The following ENDOV variants were observed in gnomAD, a reference collection of about 807,000 sequenced individuals.
ENDOV encodes the protein endonuclease V.
A neutral mutation model predicts 39.4 loss-of-function variants in ENDOV; 37 were observed. The ratio of observed to expected loss-of-function variants is 0.94; its 90% confidence interval spans 0.72 to 1.23. The LOEUF is 1.23. ENDOV is among the 50% of genes most tolerant of loss of function. The probability of loss-of-function intolerance (pLI) is 0.00; values close to 1 mark genes in which losing one functional copy is unlikely to be tolerated. For synonymous variants in ENDOV, 186 were observed against 163.4 expected, an observed-to-expected ratio of 1.14 and a Z score of -1.05; for missense variants, 441 against 375.7, an observed-to-expected ratio of 1.17 and a Z score of -1.44.
chr17:80,424,422 C>T (rs949022136), intron 5 of ENDOV: 6 of 399,394 alleles, frequency 1.5e-5, no homozygotes, highest in East Asian at 3.6e-5. Context: ...TGGGCAGTGG[C>T]GGCACCTGTG....
At chr17:80,431,226 C>T (rs1197122323) in intron 9 of ENDOV, among the ~76,000 whole-genome samples, 3 of 152,134 alleles carry the variant, frequency 2.0e-5, no homozygotes, top group East Asian at 1.9e-4. Flanking sequence ...AGGAGCAGGG[C>T]GAGCCTGGGC....
chr17:80,415,603 A>C (rs1307754188), intron 1 of ENDOV, 47 bp from the exon 2 acceptor site: 8 of 1,591,694 alleles, frequency 5.0e-6, no homozygotes, highest in Non-Finnish European at 6.8e-6. Context: ...GAGGAGGCAG[A>C]GTCTGAGGTG....
chr17:80,421,973 C>T lies in ENDOV; in HGVS notation c.363+11C>T. The T allele has an allele frequency of 6.2e-7, 1 of 1,606,592 alleles. No homozygotes were observed. The highest frequency in any genetic ancestry group is 1.1e-5 in the South Asian group (1 of 90,662). On this transcript the variant is annotated intron_variant, in intron 3 of 9. Transcript: ENST00000518137. Reference sequence around the variant, plus strand: ...GGCCTCATGCCCCAGGCAGGTGTCTCATCCCTAGGACGAGAGAAAGGTCCC... The same window carrying T: ...GGCCTCATGCCCCAGGCAGGTGTCTTATCCCTAGGACGAGAGAAAGGTCCC...
At chr17:80,427,788 G>T (rs8065290) in intron 7 of ENDOV, 1,058,237 of 1,289,088 alleles carry the variant, frequency 0.82, 438,461 homozygotes, top group African/African-American at 0.97. Context: ...CAGGCGCTGC[G>T]GCGCTCCTGG....
chr17:80,424,819 G>A (rs548043321), intron 5 of ENDOV, among the ~76,000 whole-genome samples: 1 of 152,290 alleles, frequency 6.6e-6, no homozygotes, highest in East Asian at 1.9e-4. Flanking sequence ...GCCGGGCGTG[G>A]TGGCACATGC....
At chr17:80,430,271 C>A in intron 9 of ENDOV, 1 of 1,484,426 alleles carries the variant, frequency 6.7e-7, no homozygotes, top group Non-Finnish European at 8.9e-7. Context: ...CTCGGAGCTG[C>A]AGCCTGCACG....
chr17:80,421,327 C>T (rs113006266), intron 2 of ENDOV, among the ~76,000 whole-genome samples: 118 of 149,650 alleles, frequency 7.9e-4, no homozygotes, highest in African/African-American at 2.8e-3. Flanking sequence ...CCGGGGAATC[C>T]TCCTATGGAC....
intron 9 of ENDOV, among the ~76,000 whole-genome samples, chr17:80,435,073 C>T (rs2083522308): frequency 6.6e-6 from 1 of 152,110 alleles, no homozygotes; most frequent in Non-Finnish European, 1.5e-5. Context: ...AATCCTTTGC[C>T]CATTTTAAAA....
intron 9 of ENDOV, among the ~76,000 whole-genome samples, chr17:80,434,651 T>G (rs1366405625): frequency 6.6e-6 from 1 of 152,168 alleles, no homozygotes; most frequent in African/African-American, 2.4e-5. Context: ...GAGTAGAAAC[T>G]GGTGTTTCGG....
intron 7 of ENDOV, 107 bp from the exon 8 acceptor site, chr17:80,428,489 C>A: frequency 9.1e-7 from 1 of 1,101,032 alleles, no homozygotes; most frequent in South Asian, 1.5e-5. Context: ...ACCTGTGTGT[C>A]CTGAGTGGGC....
At chr17:80,429,286 A>G (rs892238741) in intron 8 of ENDOV, among the ~76,000 whole-genome samples, 5 of 152,184 alleles carry the variant, frequency 3.3e-5, no homozygotes, top group Admixed American at 1.3e-4. Flanking sequence ...CTGAGTGTTG[A>G]TAAGGAGTAA....
chr17:80,415,460 C>G, intron 1 of ENDOV, 190 bp from the exon 2 acceptor site: 3 of 992,032 alleles, frequency 3.0e-6, no homozygotes, highest in South Asian at 3.4e-5. Context: ...GCCAGTTTGT[C>G]TGGCCTGCGC....
rs570929707 is a variant in ENDOV at position 80,437,939 on chromosome 17, T to G, written c.*1796T>G. ...TGGATGGATGTGACTGTGCAGGTCC[T>G]GAGCCCCGGCCCCCGTAACCAAGCA... is the stretch of plus-strand genomic sequence containing the variant. On this transcript the variant is annotated 3_prime_UTR_variant, in exon 10 of 10. Coordinates refer to ENST00000518137, the MANE Select transcript of ENDOV (RefSeq NM_173627.5). 6.6e-4 allele frequency: 101 copies of G among 152,322 alleles called. No individual in the cohort carries two copies. Among genetic ancestry groups the G allele is most frequent in the African/African-American group, 2.2e-3 (90 of 41,566 alleles). The allele number at this position is 152,322 out of a possible 1,614,324, so 9.4% of individuals were successfully genotyped here.
Position 80,426,099 on chromosome 17 carries a change from C to T in ENDOV, c.714+479C>T, listed in dbSNP as rs41299842. Among the ~76,000 whole-genome samples the T allele has an allele frequency of 7.5e-3, 1,147 of 152,236 alleles. 18 individuals are homozygous for T. Among genetic ancestry groups the T allele is most frequent in the African/African-American group, 0.026 (1,086 of 41,532 alleles). Reference sequence around the variant, plus strand: ...CAGGACCCAGCACAAAACTGGTGTTCGGTCCCCCAGGAAGGGTGAGAACTC... The same window carrying T: ...CAGGACCCAGCACAAAACTGGTGTTTGGTCCCCCAGGAAGGGTGAGAACTC... On this transcript the variant is annotated intron_variant, in intron 7 of 9. Transcript: ENST00000518137.
chr17:80,415,464 C>T lies in ENDOV; in HGVS notation c.57-186C>T, dbSNP rs41298660. ...TCTCGCTTCCGGCCAGTTTGTCTGG[C>T]CTGCGCTTGCGCGGGTCTCCGCCGC... On this transcript the variant is annotated intron_variant, in intron 1 of 9. Coordinates refer to ENST00000518137, the MANE Select transcript of ENDOV (RefSeq NM_173627.5). 1,782 of 997,652 alleles carry T rather than the reference C, an allele frequency of 1.8e-3. 3 individuals are homozygous for T. The highest frequency in any genetic ancestry group is 2.4e-3 in the Non-Finnish European group (1,646 of 689,028). 61.8% of individuals were successfully genotyped at this position (997,652 alleles called of 1,614,324 possible).
intron 2 of ENDOV, among the ~76,000 whole-genome samples, chr17:80,421,264 C>CA (rs1568217414): frequency 6.6e-6 from 1 of 151,816 alleles, no homozygotes. Context: ...AACTAGATCC[C>CA]GGGGAATCTT....
chr17:80,419,085 A>C (rs1050405935), intron 2 of ENDOV, among the ~76,000 whole-genome samples: 1 of 150,808 alleles, frequency 6.6e-6, no homozygotes, highest in Non-Finnish European at 1.5e-5. Context: ...AGGCAGGAGA[A>C]TGGCGTGAAC....
intron 9 of ENDOV, among the ~76,000 whole-genome samples, chr17:80,432,246 G>A (rs543113575): frequency 1.2e-3 from 189 of 152,206 alleles, no homozygotes; most frequent in Non-Finnish European, 1.8e-3. Context: ...GTGGACACTC[G>A]GTACACTCCT....
chr17:80,424,470 T>C (rs574425010), intron 5 of ENDOV: 2 of 396,770 alleles, frequency 5.0e-6, no homozygotes, highest in Admixed American at 4.2e-5. Flanking sequence ...GGGCAGATTG[T>C]TGCCCTTGTT....
Sources: allele counts gnomAD v4.1 joint callset (sites outside exome capture counted in the v4.1 genomes callset), GRCh38; gene constraint gnomAD v4.1.1; transcripts MANE v1.5; gene names NCBI Gene and HGNC (gene_info 2026-07-23, HGNC 2026-07-21).